Variants in ANXA2 observed in about 807,000 individuals in gnomAD.
ANXA2 encodes the protein annexin II.
In ANXA2, 28 loss-of-function variants were observed where a neutral mutation model predicts 47.3. The observed-to-expected ratio is 0.59, with a 90% CI of 0.44 to 0.81. ANXA2 has a LOEUF of 0.81. Among genes scored for constraint, ANXA2 ranks in the 40% least tolerant of loss-of-function variants. ANXA2 has a pLI of 0.00. For missense variants in ANXA2, 384 were observed against 414.3 expected (o/e 0.93, Z 0.64); for synonymous variants, 172 against 155.5 (o/e 1.11, Z -0.79).
At chr15:60,358,094 T>G (rs1031396840) in intron 5 of ANXA2, among the ~76,000 whole-genome samples, 1 of 152,224 alleles carries the variant, frequency 6.6e-6, no homozygotes, top group Non-Finnish European at 1.5e-5. Flanking sequence ...CTCTTTGAAA[T>G]GTAAAATTGG....
intron 3 of ANXA2, among the ~76,000 whole-genome samples, chr15:60,367,079 A>G (rs1463884211): frequency 5.9e-5 from 3 of 50,934 alleles, no homozygotes; most frequent in African/African-American, 1.8e-4. Flanking sequence ...AGGGGGGATC[A>G]GCCCCCCGCC....
At chr15:60,360,405 A>G (rs1320636700) in intron 5 of ANXA2, among the ~76,000 whole-genome samples, 1 of 152,236 alleles carries the variant, frequency 6.6e-6, no homozygotes, top group Non-Finnish European at 1.5e-5. Flanking sequence ...GATAACGTGC[A>G]TTGAGACTTC....
At chr15:60,358,738 C>T (rs188287207) in intron 5 of ANXA2, among the ~76,000 whole-genome samples, 179 of 152,212 alleles carry the variant, frequency 1.2e-3, no homozygotes, top group Middle Eastern at 3.4e-3. Flanking sequence ...AAATGACTAC[C>T]GAGTATCTTT....
chr15:60,372,589 T>C (rs1288518422), intron 3 of ANXA2, among the ~76,000 whole-genome samples: 1 of 152,168 alleles, frequency 6.6e-6, no homozygotes, highest in Admixed American at 6.5e-5. Flanking sequence ...GGGTTACATG[T>C]TAACTTGTAG....
chr15:60,393,818 T>C (rs938853968), intron 1 of ANXA2, among the ~76,000 whole-genome samples: 1 of 152,312 alleles, frequency 6.6e-6, no homozygotes, highest in African/African-American at 2.4e-5. Context: ...CCCTCCTGTT[T>C]CCTCATAGGT....
intron 8 of ANXA2, 25 bp downstream of exon 8, chr15:60,354,129 T>A: frequency 6.2e-7 from 1 of 1,609,208 alleles, no homozygotes; most frequent in South Asian, 1.1e-5. Flanking sequence ...AAACAAAAAC[T>A]CAAAGCAAAA....
At chr15:60,350,556 A>C (rs902707249) in intron 11 of ANXA2, among the ~76,000 whole-genome samples, 16 of 152,182 alleles carry the variant, frequency 1.1e-4, no homozygotes, top group African/African-American at 3.9e-4. Flanking sequence ...GACAAGGGAG[A>C]TGTTCCAGAA....
chr15:60,369,883 G>A (rs1247655790), intron 3 of ANXA2, among the ~76,000 whole-genome samples: 1 of 152,184 alleles, frequency 6.6e-6, no homozygotes, highest in Non-Finnish European at 1.5e-5. Context: ...GCTTACTTTT[G>A]TCCAAACAAC....
intron 3 of ANXA2, among the ~76,000 whole-genome samples, chr15:60,367,402 G>GGGGT (rs1178300003): frequency 1.6e-5 from 1 of 63,370 alleles, no homozygotes; most frequent in African/African-American, 7.8e-5. Context: ...GCGGGGGGGG[G>GGGGT]TCGGCCAGCC....
chr15:60,369,372 G>A (rs564879900), intron 3 of ANXA2, among the ~76,000 whole-genome samples: 14 of 152,246 alleles, frequency 9.2e-5, no homozygotes, highest in African/African-American at 1.4e-4. Context: ...GTTTATTAAC[G>A]TGTTTTGCCT....
chr15:60,360,992 T>A lies in ANXA2; in HGVS notation c.306A>T (p.Leu102=). 1 of 1,614,066 alleles carries A rather than the reference T, an allele frequency of 6.2e-7. No individual in the cohort carries two copies. Among genetic ancestry groups the A allele is most frequent in the Non-Finnish European group, 8.5e-7 (1 of 1,179,906 alleles). ...SGHLETVILG[L]LKTPAQYDAS... Reference sequence around the variant, plus strand: ...CGTCATACTGAGCAGGTGTCTTCAATAGGCCCAAAATCACCGTCTCCAGGT... The same window carrying A: ...CGTCATACTGAGCAGGTGTCTTCAAAAGGCCCAAAATCACCGTCTCCAGGT... The change falls in exon 5 of 13, where the codon CTA becomes CTT. Residue 102 remains leucine (L), a synonymous_variant. Coordinates refer to ENST00000451270, the MANE Select transcript of ANXA2 (RefSeq NM_004039.3).
At chr15:60,375,476 G>A (rs1392310856) in intron 3 of ANXA2, among the ~76,000 whole-genome samples, 1 of 152,012 alleles carries the variant, frequency 6.6e-6, no homozygotes, top group Non-Finnish European at 1.5e-5. Context: ...TAGTTATTTG[G>A]ACCCATATGG....
intron 3 of ANXA2, among the ~76,000 whole-genome samples, chr15:60,371,280 G>C (rs914577334): frequency 2.0e-5 from 3 of 152,212 alleles, no homozygotes; most frequent in African/African-American, 7.2e-5. Flanking sequence ...GCTTTGCCAA[G>C]GGAATGCCAC....
rs114814522 is a variant in ANXA2, at chr15:60,348,211, T to C, written c.961-522A>G. On this transcript the variant is annotated intron_variant, in intron 12 of 12. Coordinates refer to ENST00000451270, the MANE Select transcript of ANXA2 (RefSeq NM_004039.3). ...GCTACAAAAAATCCAGCTCTAACTT[T>C]ATCCTTGCTAACCATGGGCATGCCT... Among the ~76,000 whole-genome samples the C allele has an allele frequency of 5.4e-3, 822 of 152,302 alleles. 7 individuals are homozygous for C. Among genetic ancestry groups the C allele is most frequent in the African/African-American group, 0.018 (757 of 41,570 alleles).
chr15:60,377,027 G>A (rs558079050), intron 3 of ANXA2, among the ~76,000 whole-genome samples: 1 of 152,332 alleles, frequency 6.6e-6, no homozygotes, highest in African/African-American at 2.4e-5. Flanking sequence ...ATGGTCCTCT[G>A]GCTTTTGTTT....
At chr15:60,373,134 C>T (rs958587203) in intron 3 of ANXA2, among the ~76,000 whole-genome samples, 2 of 152,218 alleles carry the variant, frequency 1.3e-5, no homozygotes, top group African/African-American at 4.8e-5. Context: ...CACACTCCAC[C>T]ATCTAGCTCC....
intron 2 of ANXA2, 38 bp from the exon 3 acceptor site, chr15:60,382,479 T>G: frequency 7.2e-7 from 1 of 1,384,698 alleles, no homozygotes; most frequent in South Asian, 1.2e-5. Flanking sequence ...ATGACACACA[T>G]TTAAAATCCT....
At chr15:60,378,259 C>T (rs1219429925) in intron 3 of ANXA2, among the ~76,000 whole-genome samples, 2 of 152,162 alleles carry the variant, frequency 1.3e-5, no homozygotes, top group South Asian at 2.1e-4. Context: ...AAATACACTA[C>T]TAAACACACT....
intron 1 of ANXA2, among the ~76,000 whole-genome samples, chr15:60,395,090 T>C (rs1370876802): frequency 1.3e-5 from 2 of 152,118 alleles, no homozygotes; most frequent in African/African-American, 4.8e-5. Flanking sequence ...TTCCCCGAGG[T>C]AGGTAAAATG....
Sources: gnomAD v4.1 joint callset for allele counts (sites outside exome capture counted in the v4.1 genomes callset) on GRCh38, gnomAD v4.1.1 for gene constraint, MANE v1.5 for transcripts, NCBI Gene and HGNC (gene_info 2026-07-23, HGNC 2026-07-21) for gene names.